The following PRKD1 variants were observed in gnomAD, a reference collection of about 807,000 sequenced individuals.
PRKD1 encodes serine/threonine-protein kinase D1.
Under a neutral mutation model 95.9 loss-of-function variants are expected in PRKD1, and 63 were observed. That is an observed-to-expected ratio of 0.66 (90% CI 0.54 to 0.81). The LOEUF is 0.81. Among genes scored for constraint, PRKD1 ranks in the 30% least tolerant of loss-of-function variants. PRKD1 has a pLI of 0.00. For synonymous variants in PRKD1, 425 were observed against 423.1 expected, an observed-to-expected ratio of 1.00 and a Z score of -0.05; for missense variants, 1,048 against 1,165.3, an observed-to-expected ratio of 0.90 and a Z score of 1.47.
intron 1 of PRKD1, among the ~76,000 whole-genome samples, chr14:29,762,504 A>G (rs371075646): frequency 1.1e-4 from 16 of 152,316 alleles, no homozygotes; most frequent in African/African-American, 3.8e-4. Flanking sequence ...CAAGATTCTT[A>G]TATGTCTCTC....
At position 29,788,665 on chromosome 14, in the gene PRKD1, A is replaced by T. The variant is rs185190846; in HGVS notation, c.265-62991T>A. Among the ~76,000 whole-genome samples the T allele has an allele frequency of 2.6e-3, 402 of 152,250 alleles. 1 individual carries two copies. The highest frequency in any genetic ancestry group is 9.3e-3 in the African/African-American group (388 of 41,554). On this transcript the variant is annotated intron_variant, in intron 1 of 17. Transcript: ENST00000331968. ...AAAAGACCTGTCTTCCAATTCAGAA[A>T]TTAGTTTTTCTGCTTCATCTAGTCT...
Position 29,632,932 on chromosome 14 carries a change from A to G in PRKD1, c.1329T>C (p.Tyr443=), listed in dbSNP as rs1880115287. 2 of 1,613,552 alleles carry G rather than the reference A, an allele frequency of 1.2e-6. No individual in the cohort carries two copies. Among genetic ancestry groups the G allele is most frequent in the African/African-American group, 1.3e-5 (1 of 75,034 alleles). The part of the protein sequence containing the change: ...TSKDTLRKRH[Y]WRLDSKCITL... ...TAATACATTTGCTATCCAATCTCCA[A>G]TAGTGCCGTTTCCGCTGAAACAGAA... The change falls in exon 9 of 18, where the codon TAT becomes TAC. Residue 443 remains tyrosine, a synonymous_variant. Transcript: ENST00000331968.
intron 1 of PRKD1, among the ~76,000 whole-genome samples, chr14:29,825,831 G>A (rs193176335): frequency 3.9e-5 from 6 of 152,018 alleles, no homozygotes; most frequent in Non-Finnish European, 7.4e-5. Flanking sequence ...CCACTATACA[G>A]GCAGGCAAGC....
chr14:29,685,746 G>GTA (rs1349356681), intron 2 of PRKD1, among the ~76,000 whole-genome samples: 8 of 152,014 alleles, frequency 5.3e-5, no homozygotes, highest in African/African-American at 1.9e-4. Flanking sequence ...GTGTGTGTGT[G>GTA]TGTGTGTGTG....
chr14:29,912,808 G>A (rs1015396432), intron 1 of PRKD1, among the ~76,000 whole-genome samples: 1 of 152,208 alleles, frequency 6.6e-6, no homozygotes, highest in African/African-American at 2.4e-5. Flanking sequence ...TCACCCTTCT[G>A]CATCTAAGTC....
intron 16 of PRKD1, among the ~76,000 whole-genome samples, chr14:29,580,894 T>A (rs1892734882): frequency 6.6e-6 from 1 of 152,038 alleles, no homozygotes; most frequent in African/African-American, 2.4e-5. Context: ...ACTTATGAAA[T>A]AAAAAGTTAA....
chr14:29,731,334 A>G (rs1163502565), intron 1 of PRKD1, among the ~76,000 whole-genome samples: 1 of 152,130 alleles, frequency 6.6e-6, no homozygotes, highest in Non-Finnish European at 1.5e-5. Flanking sequence ...ACACTTTTAC[A>G]TTTCCTAAGA....
chr14:29,809,355 G>C (rs1594538374), intron 1 of PRKD1, among the ~76,000 whole-genome samples: 1 of 152,340 alleles, frequency 6.6e-6, no homozygotes, highest in East Asian at 1.9e-4. Flanking sequence ...AAGGGAGTCA[G>C]CCTCTGCTTG....
rs187993273 is a variant in PRKD1 at position 29,757,145 on chromosome 14, T to C, written c.265-31471A>G. ...TAGCATTAACACATCATATTGCTAG[T>C]AATGGGAGCAGCTCTATACCCTGAA... On this transcript the variant is annotated intron_variant, in intron 1 of 17. Coordinates refer to ENST00000331968, the MANE Select transcript of PRKD1 (RefSeq NM_002742.3). Among the ~76,000 whole-genome samples, 331 of 152,272 alleles carry C rather than the reference T, an allele frequency of 2.2e-3. 3 individuals carry two copies. The highest frequency in any genetic ancestry group is 4.3e-3 in the Non-Finnish European group (293 of 68,024).
chr14:29,780,202 C>T (rs2139165702), intron 1 of PRKD1, among the ~76,000 whole-genome samples: 1 of 152,280 alleles, frequency 6.6e-6, no homozygotes. Context: ...AAAACCTAGG[C>T]AATACCATTC....
intron 16 of PRKD1, among the ~76,000 whole-genome samples, chr14:29,591,943 A>C (rs1213135809): frequency 6.6e-6 from 1 of 152,172 alleles, no homozygotes; most frequent in Non-Finnish European, 1.5e-5. Context: ...GTAAATGATA[A>C]GGTGCAATTT....
chr14:29,692,004 C>T (rs2139299968), intron 2 of PRKD1, among the ~76,000 whole-genome samples: 1 of 152,230 alleles, frequency 6.6e-6, no homozygotes, highest in Non-Finnish European at 1.5e-5. Flanking sequence ...TAGGTTAGTG[C>T]TCCACCAGAA....
intron 4 of PRKD1, among the ~76,000 whole-genome samples, chr14:29,639,643 T>TAAAAGA (rs1463381248): frequency 6.8e-6 from 1 of 147,058 alleles, no homozygotes; most frequent in East Asian, 2.0e-4. Context: ...AAATAAATAA[T>TAAAAGA]AAAAGAAAAA....
rs557729616 is a variant in PRKD1, at chr14:29,780,620, A to G, written c.265-54946T>C. Among the ~76,000 whole-genome samples, 3 of 152,364 alleles carry G rather than the reference A, an allele frequency of 2.0e-5. No homozygotes were observed. The South Asian group carries it at 6.2e-4, about 32-fold the overall frequency. On this transcript the variant is annotated intron_variant, in intron 1 of 17. Coordinates refer to ENST00000331968, the MANE Select transcript of PRKD1 (RefSeq NM_002742.3). ...GCTCACACCAGTTAGAATGGTGAACATTAAAAAGTTAGGAAACAACAGGTG... is the reference window on the plus strand; with the variant it reads ...GCTCACACCAGTTAGAATGGTGAACGTTAAAAAGTTAGGAAACAACAGGTG...
intron 13 of PRKD1, among the ~76,000 whole-genome samples, chr14:29,618,097 A>G (rs1006733921): frequency 1.3e-5 from 2 of 152,120 alleles, no homozygotes; most frequent in African/African-American, 4.8e-5. Flanking sequence ...TAGGTGCTCG[A>G]AGATATATTT....
At chr14:29,662,517 C>T (rs1359959759) in intron 4 of PRKD1, among the ~76,000 whole-genome samples, 4 of 152,074 alleles carry the variant, frequency 2.6e-5, no homozygotes, top group Non-Finnish European at 5.9e-5. Flanking sequence ...TACCTGCCTT[C>T]TCCAACTAGG....
intron 1 of PRKD1, among the ~76,000 whole-genome samples, chr14:29,748,098 T>C (rs903817317): frequency 6.6e-6 from 1 of 152,226 alleles, no homozygotes; most frequent in Non-Finnish European, 1.5e-5. Flanking sequence ...ATATACTTTT[T>C]GTAACATGTG....
chr14:29,822,918 TA>T lies in PRKD1; in HGVS notation c.265-97245del, dbSNP rs1006249155. On this transcript the variant is annotated intron_variant, in intron 1 of 17. Transcript: ENST00000331968. ...ATTTCTGTGAAGAATCAAAATGTTTTAAAAAAAAATTCTCCAAAGAAATTTT... is the reference window on the plus strand; with the variant it reads ...ATTTCTGTGAAGAATCAAAATGTTTTAAAAAAAATTCTCCAAAGAAATTTT... 7.9e-5 allele frequency among the ~76,000 whole-genome samples: 12 copies of T among 151,862 alleles called. No homozygotes were observed. In the South Asian group the frequency reaches 8.3e-4, roughly 11 times the overall value.
At chr14:29,844,562 C>T (rs71415914) in intron 1 of PRKD1, among the ~76,000 whole-genome samples, 4,357 of 152,156 alleles carry the variant, frequency 0.029, 121 homozygotes, top group Non-Finnish European at 0.04. Context: ...GTAAAGTGTA[C>T]TATAAACTGT....
Sources: gnomAD v4.1 joint callset for allele counts (sites outside exome capture counted in the v4.1 genomes callset) on GRCh38, gnomAD v4.1.1 for gene constraint, MANE v1.5 for transcripts, NCBI Gene and HGNC (gene_info 2026-07-23, HGNC 2026-07-21) for gene names.